Variants in WIF1 observed in about 807,000 individuals in gnomAD.
The protein encoded by WIF1 is Wnt inhibitory factor 1.
A neutral mutation model predicts 53.5 loss-of-function variants in WIF1; 35 were observed. The ratio of observed to expected loss-of-function variants is 0.65; its 90% CI spans 0.50 to 0.87. The LOEUF is 0.87. Among genes scored for constraint, WIF1 ranks in the 40% least tolerant of loss-of-function variants. WIF1 has a pLI of 0.00. For missense variants in WIF1, 467 were observed against 476.8 expected, an observed-to-expected ratio of 0.98 and a Z score of 0.19; for synonymous variants, 171 against 170.4, an observed-to-expected ratio of 1.00 and a Z score of -0.03.
chr12:65,119,743 TA>T (rs1188672472), intron 2 of WIF1, among the ~76,000 whole-genome samples: 1 of 152,148 alleles, frequency 6.6e-6, no homozygotes, highest in African/African-American at 2.4e-5. Context: ...TTTCTAAAAT[TA>T]GAAGCCATAA....
chr12:65,086,285 T>C (rs1335384033), intron 2 of WIF1, among the ~76,000 whole-genome samples: 1 of 152,144 alleles, frequency 6.6e-6, no homozygotes, highest in Non-Finnish European at 1.5e-5. Flanking sequence ...TGAAAACTTC[T>C]GTTCCCCTCA....
chr12:65,093,508 T>C (rs1318064017), intron 2 of WIF1, among the ~76,000 whole-genome samples: 1 of 152,196 alleles, frequency 6.6e-6, no homozygotes, highest in Admixed American at 6.5e-5. Flanking sequence ...CTCCAAATTT[T>C]GAGTACTTGT....
chr12:65,121,204 C>A lies in WIF1; in HGVS notation c.-13G>T. 6.8e-7 allele frequency: 1 copy of A among 1,473,868 alleles called. No individual in the cohort carries two copies. Among genetic ancestry groups the A allele is most frequent in the Non-Finnish European group, 9.0e-7 (1 of 1,107,318 alleles). 91.3% of individuals were successfully genotyped at this position (1,473,868 alleles called of 1,614,324 possible). On this transcript the variant is annotated 5_prime_UTR_variant, in exon 1 of 10. In the 5' UTR this introduces an upstream ATG that the reference lacks. Transcript: ENST00000286574. ...TCCTCCGGGCCATGCTGCTCAGGAC[C>A]TCCTCGCTGCCGGGAAAACTCCTCG...
At chr12:65,091,833 C>T (rs1464881663) in intron 2 of WIF1, among the ~76,000 whole-genome samples, 1 of 152,118 alleles carries the variant, frequency 6.6e-6, no homozygotes, top group Non-Finnish European at 1.5e-5. Flanking sequence ...TTCTTTTATT[C>T]ATTCACCCAG....
At chr12:65,104,567 A>C (rs968725128) in intron 2 of WIF1, among the ~76,000 whole-genome samples, 20 of 152,340 alleles carry the variant, frequency 1.3e-4, no homozygotes, top group Admixed American at 3.3e-4. Flanking sequence ...CACTTTTGTA[A>C]AGTGAGAATA....
chr12:65,088,913 C>G (rs926092336), intron 2 of WIF1, among the ~76,000 whole-genome samples: 1 of 152,072 alleles, frequency 6.6e-6, no homozygotes, highest in African/African-American at 2.4e-5. Flanking sequence ...ATCACATTGT[C>G]AAAAGAATCT....
chr12:65,062,379 C>A, intron 7 of WIF1, 102 bp downstream of exon 7: 1 of 986,368 alleles, frequency 1.0e-6, no homozygotes, highest in Non-Finnish European at 1.5e-6. Context: ...ACAAGTTATT[C>A]ATTCTCTCTG....
intron 2 of WIF1, among the ~76,000 whole-genome samples, chr12:65,096,377 G>C (rs968466706): frequency 1.3e-5 from 2 of 152,160 alleles, no homozygotes; most frequent in African/African-American, 4.8e-5. Flanking sequence ...AGATGCTGGC[G>C]AGGATGTGGA....
chr12:65,058,040 A>G (rs1327276227), intron 7 of WIF1, among the ~76,000 whole-genome samples: 1 of 152,184 alleles, frequency 6.6e-6, no homozygotes, highest in African/African-American at 2.4e-5. Flanking sequence ...AACAAGTATG[A>G]AAACAAACTT....
intron 2 of WIF1, among the ~76,000 whole-genome samples, chr12:65,107,203 T>C (rs1311957242): frequency 5.3e-5 from 8 of 152,366 alleles, no homozygotes; most frequent in African/African-American, 1.9e-4. Flanking sequence ...GCAATATAAA[T>C]ACAACCTCAA....
intron 6 of WIF1, among the ~76,000 whole-genome samples, chr12:65,065,242 C>T (rs772579850): frequency 9.9e-5 from 15 of 152,120 alleles, no homozygotes; most frequent in Middle Eastern, 6.8e-3. Context: ...TGGCTTAATT[C>T]CAAGTCTAGA....
chr12:65,064,740 TATAG>T (rs1305143432), intron 6 of WIF1, among the ~76,000 whole-genome samples: 1 of 152,184 alleles, frequency 6.6e-6, no homozygotes, highest in Admixed American at 6.6e-5. Context: ...TGTACTGGAA[TATAG>T]ATAGATATAT....
Position 65,106,374 on chromosome 12 carries a change from T to TATA in WIF1, c.288+14042_288+14043insTAT, listed in dbSNP as rs201665563. 3.2e-3 allele frequency among the ~76,000 whole-genome samples: 422 copies of TATA among 130,654 alleles called. 2 individuals carry two copies. Among genetic ancestry groups the TATA allele is most frequent in the African/African-American group, 0.013 (397 of 29,770 alleles). 85.7% of individuals were successfully genotyped at this position (130,654 alleles called of 152,430 possible). A position where few individuals can be genotyped will look rare whatever the true frequency, so the allele number is the denominator to read the frequency against. On this transcript the variant is annotated intron_variant, in intron 2 of 9. Transcript: ENST00000286574. Reference sequence around the variant, plus strand: ...ATATATATGATCATATATATATATATTTTTTTTTATTTTTTTTGTTTTTGA... The same window carrying TATA: ...ATATATATGATCATATATATATATATATATTTTTTTTATTTTTTTTGTTTTTGA...
rs1020421893 is a variant in WIF1 at position 65,101,451 on chromosome 12, A to G, written c.288+18966T>C. Among the ~76,000 whole-genome samples, 3 of 152,186 alleles carry G rather than the reference A, an allele frequency of 2.0e-5. No individual in the cohort carries two copies. In the South Asian group the frequency reaches 6.2e-4, roughly 32 times the overall value. ...ACTCCTAAAGTCTGTTTATTAGTCA[A>G]ATTGAAGACACTGAAATCAAGCCAA... On this transcript the variant is annotated intron_variant, in intron 2 of 9. Coordinates refer to ENST00000286574, the MANE Select transcript of WIF1 (RefSeq NM_007191.5).
chr12:65,080,210 A>G (rs1486971441), intron 2 of WIF1, among the ~76,000 whole-genome samples: 1 of 152,222 alleles, frequency 6.6e-6, no homozygotes, highest in African/African-American at 2.4e-5. Flanking sequence ...TTCCCACTGC[A>G]TCCCCTCCTG....
At chr12:65,081,409 C>G (rs1882947574) in intron 2 of WIF1, among the ~76,000 whole-genome samples, 1 of 152,090 alleles carries the variant, frequency 6.6e-6, no homozygotes. Context: ...TTCACAGAGC[C>G]TTCAGGTATG....
intron 9 of WIF1, among the ~76,000 whole-genome samples, chr12:65,053,098 C>T (rs192250835): frequency 6.6e-6 from 1 of 152,194 alleles, no homozygotes; most frequent in African/African-American, 2.4e-5. Context: ...TCCAAAATGG[C>T]ACTAGAAATA....
chr12:65,106,868 C>T (rs1883360037), intron 2 of WIF1, among the ~76,000 whole-genome samples: 1 of 152,204 alleles, frequency 6.6e-6, no homozygotes, highest in South Asian at 2.1e-4. Flanking sequence ...TAACTCAAAA[C>T]TTGACTTCTG....
At chr12:65,101,119 T>A (rs1883276156) in intron 2 of WIF1, among the ~76,000 whole-genome samples, 1 of 152,156 alleles carries the variant, frequency 6.6e-6, no homozygotes, top group Admixed American at 6.5e-5. Context: ...TAAAACTCAG[T>A]CAGGATTCAT....
Sources: allele counts gnomAD v4.1 joint callset (sites outside exome capture counted in the v4.1 genomes callset), GRCh38; gene constraint gnomAD v4.1.1; transcripts MANE v1.5; gene names NCBI Gene and HGNC (gene_info 2026-07-23, HGNC 2026-07-21).